TARM1: variants seen among roughly 807,000 people sequenced by gnomAD.
TARM1 encodes T cell-interacting, activating receptor on myeloid cells 1.
A neutral mutation model predicts 30.4 loss-of-function variants in TARM1; 24 were observed. The observed-to-expected ratio is 0.79, with a 90% CI of 0.57 to 1.11. The LOEUF is 1.11. TARM1 is among the 50% of genes least tolerant of loss of function. The probability of loss-of-function intolerance (pLI) is 0.00; values close to 1 mark genes in which losing one functional copy is unlikely to be tolerated. For synonymous variants in TARM1, 129 were observed against 138.9 expected, an observed-to-expected ratio of 0.93 and a Z score of 0.50; for missense variants, 323 against 332.8, an observed-to-expected ratio of 0.97 and a Z score of 0.23.
At chr19:54,072,335 A>G (rs2071832853) in intron 4 of TARM1, among the ~76,000 whole-genome samples, 1 of 152,140 alleles carries the variant, frequency 6.6e-6, no homozygotes, top group African/African-American at 2.4e-5. Flanking sequence ...TACAGCAGTT[A>G]CAACAGATGA....
intron 4 of TARM1, among the ~76,000 whole-genome samples, chr19:54,072,432 A>G (rs1422645074): frequency 6.6e-6 from 1 of 152,164 alleles, no homozygotes. Flanking sequence ...CTAGCAGTCA[A>G]TAAAAGACAT....
chr19:54,078,364 G>A (rs2072013357), intron 1 of TARM1, among the ~76,000 whole-genome samples: 3 of 148,098 alleles, frequency 2.0e-5, no homozygotes, highest in South Asian at 4.3e-4. Context: ...TTTTGTTGTT[G>A]TTGTTGTTTT....
chr19:54,075,828 C>A (rs2071936672), intron 2 of TARM1, 55 bp downstream of exon 2: 1 of 1,526,712 alleles, frequency 6.6e-7, no homozygotes. Context: ...GGGAAGAGAA[C>A]AGCAGGGGAT....
At chr19:54,070,657 G>T (rs1417152403) in intron 4 of TARM1, among the ~76,000 whole-genome samples, 4 of 151,594 alleles carry the variant, frequency 2.6e-5, no homozygotes, top group African/African-American at 9.7e-5. Flanking sequence ...TTGTTGCCCA[G>T]ACTGGAGTGT....
At position 54,074,946 on chromosome 19, in the gene TARM1, G is replaced by A; in HGVS notation, c.239C>T (p.Ala80Val). ...PKPLDSTEGA[A>V]EFHLNNLKVR... ...TTTTAGATTATTGAGGTGAAATTCG[G>A]CCGCGCCCTCTGTAGAATCAAGGGG... is the stretch of plus-strand genomic sequence containing the variant. The change falls in exon 3 of 5, where the codon GCC (alanine) becomes GTC (valine). Residue 80 changes from alanine (A) to valine (V), a missense_variant. By Grantham distance (64) the Ala-to-Val change is moderately conservative. Coordinates refer to ENST00000432826, the MANE Select transcript of TARM1 (RefSeq NM_001135686.3). 1.3e-6 allele frequency: 2 copies of A among 1,551,508 alleles called. No individual in the cohort carries two copies. The highest frequency in any genetic ancestry group is 1.7e-6 in the Non-Finnish European group (2 of 1,146,950).
In TARM1 at chr19:54,074,123, A is replaced by G; in HGVS notation, c.455T>C (p.Leu152Ser). The change falls in exon 4 of 5, where the codon TTG becomes TCG. Residue 152 changes from leucine (L) to serine (S), a missense_variant. Leu to Ser is a moderately radical substitution (Grantham distance 145). Transcript: ENST00000432826. Reference protein sequence around the residue: ...VTLQCQKRDQLFVPIMFALLK... With the variant: ...VTLQCQKRDQSFVPIMFALLK... ...TAGAGCGAACATGATAGGCACAAAC[A>G]ATTGGTCTCGCTTCTGGCACTGCAG... is the stretch of plus-strand genomic sequence containing the variant. The G allele has an allele frequency of 1.3e-6, 2 of 1,551,570 alleles. No individual in the cohort carries two copies. Among genetic ancestry groups the G allele is most frequent in the African/African-American group, 1.4e-5 (1 of 73,108 alleles).
rs150990190 is a variant in TARM1, at chr19:54,073,779, C to T, written c.658+141G>A. On this transcript the variant is annotated intron_variant, in intron 4 of 4. Coordinates refer to ENST00000432826, the MANE Select transcript of TARM1 (RefSeq NM_001135686.3). ...AAGTGCTGGGATGACAGGCATGAGC[C>T]ACCACGCCAGGCCAGAAAGGGAAGA... 9.6e-4 allele frequency: 1,068 copies of T among 1,108,010 alleles called. 10 individuals are homozygous for T. In the African/African-American group the frequency reaches 0.014, roughly 14 times the overall value. The allele number at this position is 1,108,010 out of a possible 1,614,324, so 68.6% of individuals were successfully genotyped here.
intron 1 of TARM1, among the ~76,000 whole-genome samples, chr19:54,080,039 AGGAAGGAAGG>A (rs2072058148): frequency 7.2e-6 from 1 of 139,776 alleles, no homozygotes; most frequent in African/African-American, 2.6e-5. Flanking sequence ...GAAGGAAGGA[AGGAAGGAAGG>A]GAAAGAGAGA....
At chr19:54,078,178 CTTTTTTTTTTTTT>C (rs869101071) in intron 1 of TARM1, among the ~76,000 whole-genome samples, 2 of 67,806 alleles carry the variant, frequency 2.9e-5, no homozygotes, top group African/African-American at 6.3e-5. Flanking sequence ...TTCTTTCTTT[CTTTTTTTTTTTTT>C]TTTTTTTTTT....
chr19:54,073,530 A>G (rs774578821), intron 4 of TARM1, among the ~76,000 whole-genome samples: 57 of 148,754 alleles, frequency 3.8e-4, no homozygotes, highest in Non-Finnish European at 6.8e-4. Flanking sequence ...GTCTCACTCT[A>G]TTGCCCAGGC....
chr19:54,080,561 A>AAAGG (rs199531286), intron 1 of TARM1, among the ~76,000 whole-genome samples: 13 of 150,218 alleles, frequency 8.7e-5, no homozygotes, highest in South Asian at 6.4e-4. Flanking sequence ...AAAAAGAAAG[A>AAAGG]AAGGAAGGAA....
chr19:54,071,019 G>A lies in TARM1; in HGVS notation c.659-859C>T, dbSNP rs116343942. 3.9e-3 allele frequency among the ~76,000 whole-genome samples: 594 copies of A among 151,698 alleles called. 5 individuals are homozygous for A. The highest frequency in any genetic ancestry group is 0.014 in the African/African-American group (573 of 41,350). On this transcript the variant is annotated intron_variant, in intron 4 of 4. Coordinates refer to ENST00000432826, the MANE Select transcript of TARM1 (RefSeq NM_001135686.3). Reference sequence around the variant, plus strand: ...GTTGCTCAGGCTGGAGTGCAGCGACGCAGTCTCGGTTCACTGCAACCTCCA... The same window carrying A: ...GTTGCTCAGGCTGGAGTGCAGCGACACAGTCTCGGTTCACTGCAACCTCCA...
At chr19:54,078,185 T>C (rs866656252) in intron 1 of TARM1, among the ~76,000 whole-genome samples, 2,467 of 127,942 alleles carry the variant, frequency 0.019, 14 homozygotes, top group Non-Finnish European at 0.03. Flanking sequence ...TTTCTTTTTT[T>C]TTTTTTTTTT....
At chr19:54,075,172 C>T (rs1179356848) in intron 2 of TARM1, 58 bp from the exon 3 acceptor site, 3 of 1,390,980 alleles carry the variant, frequency 2.2e-6, no homozygotes, top group African/African-American at 3.0e-5. Context: ...CTCAGGAAGC[C>T]CTTTTTAAAA....
In TARM1 at chr19:54,074,179, C is replaced by G; in HGVS notation, c.399G>C (p.Arg133Ser). 6.4e-7 allele frequency: 1 copy of G among 1,551,632 alleles called. No homozygotes were observed. Residue 133 changes from arginine to serine, a missense_variant, in exon 4 of 5, where the codon AGG (arginine) becomes AGC (serine). Transcript: ENST00000432826. ...LSKPFLRTYQ[R>S]GTVTAGGRVT... ...CCCTTCCACCTGCGGTCACTGTACC[C>G]CTTTGGTAGGTTCGGAGGAAAGGTT...
intron 4 of TARM1, among the ~76,000 whole-genome samples, chr19:54,071,436 G>A (rs1277741608): frequency 6.6e-6 from 1 of 152,180 alleles, no homozygotes; most frequent in Non-Finnish European, 1.5e-5. Context: ...CAGCACATGA[G>A]ACGGAAGGAG....
At chr19:54,070,442 T>C (rs1263899500) in intron 4 of TARM1, among the ~76,000 whole-genome samples, 1 of 151,464 alleles carries the variant, frequency 6.6e-6, no homozygotes, top group African/African-American at 2.4e-5. Flanking sequence ...ATATTTTTAG[T>C]AGAGACGGGG....
chr19:54,079,322 C>T (rs1186823367), intron 1 of TARM1, among the ~76,000 whole-genome samples: 2 of 150,320 alleles, frequency 1.3e-5, no homozygotes, highest in South Asian at 2.1e-4. Flanking sequence ...GGGAGGACCG[C>T]GGCAAATACA....
At chr19:54,073,462 T>C (rs2071863050) in intron 4 of TARM1, among the ~76,000 whole-genome samples, 1 of 140,338 alleles carries the variant, frequency 7.1e-6, no homozygotes. Context: ...GAAAGGGAGG[T>C]TTTTTTGTTG....
Sources: gnomAD v4.1 joint callset for allele counts (sites outside exome capture counted in the v4.1 genomes callset) on GRCh38, gnomAD v4.1.1 for gene constraint, MANE v1.5 for transcripts, NCBI Gene and HGNC (gene_info 2026-07-23, HGNC 2026-07-21) for gene names.